SLAIN2: variants seen among roughly 807,000 people sequenced by gnomAD.
The protein encoded by SLAIN2 is SLAIN family member 2, also known as SLAIN motif-containing protein 2.
A neutral mutation model predicts 56.6 loss-of-function variants in SLAIN2; 31 were observed. That is an observed-to-expected ratio of 0.55 (90% CI 0.41 to 0.74). SLAIN2 has a LOEUF of 0.74. SLAIN2 is among the 30% of genes least tolerant of loss of function. The pLI is 0.00. For synonymous variants in SLAIN2, 317 were observed against 284.9 expected (o/e 1.11, Z -1.13); for missense variants, 777 against 754.2 (o/e 1.03, Z -0.35).
intron 2 of SLAIN2, among the ~76,000 whole-genome samples, chr4:48,373,006 C>A (rs991049639): frequency 6.6e-6 from 1 of 152,040 alleles, no homozygotes; most frequent in Non-Finnish European, 1.5e-5. Context: ...CACTATCACT[C>A]GTTCCTAAAA....
At position 48,422,225 on chromosome 4, in the gene SLAIN2, A is replaced by G; in HGVS notation, c.*148A>G. 1 of 609,670 alleles carries G rather than the reference A, an allele frequency of 1.6e-6. No individual in the cohort carries two copies. The highest frequency in any genetic ancestry group is 2.9e-6 in the Non-Finnish European group (1 of 343,748). 37.8% of individuals were successfully genotyped at this position (609,670 alleles called of 1,614,324 possible). ...TCTGTCTTAATTAGCACAAACCGAC[A>G]GAGATCATCAAACAGCACTTTAATG... On this transcript the variant is annotated 3_prime_UTR_variant, in exon 8 of 8. Coordinates refer to ENST00000264313, the MANE Select transcript of SLAIN2 (RefSeq NM_020846.2).
chr4:48,342,092 A>C lies in SLAIN2; in HGVS notation c.353A>C (p.Glu118Ala). Residue 118 changes from glutamate to alanine, a missense_variant, in exon 1 of 8, where the codon GAG becomes GCG. Transcript: ENST00000264313. ...EVEPLRPDEL[E>A]RLSGWEEEEE... ...GAGCCGCTGCGGCCCGACGAGCTGG[A>C]GCGCCTGTCAGGCTGGGAGGAGGAG... The C allele has an allele frequency of 7.3e-7, 1 of 1,364,608 alleles. No homozygotes were observed. Among genetic ancestry groups the C allele is most frequent in the East Asian group, 3.1e-5 (1 of 32,392 alleles). 84.5% of individuals were successfully genotyped at this position (1,364,608 alleles called of 1,614,324 possible).
Position 48,395,729 on chromosome 4 carries a change from T to C in SLAIN2, c.1360+11945T>C, listed in dbSNP as rs142142555. 2.8e-4 allele frequency among the ~76,000 whole-genome samples: 42 copies of C among 151,946 alleles called. 1 individual carries two copies. The East Asian group carries it at 5.6e-3, about 20-fold the overall frequency. ...GTATGTTAGTAATAGACTGGATAGA[T>C]TATGTTTGATGGGAAAGGAGGTGAC... On this transcript the variant is annotated intron_variant, in intron 6 of 7. Transcript: ENST00000264313.
chr4:48,352,612 G>A (rs1715041565), intron 1 of SLAIN2, among the ~76,000 whole-genome samples: 1 of 152,170 alleles, frequency 6.6e-6, no homozygotes, highest in Admixed American at 6.5e-5. Context: ...AATCAAAAAT[G>A]TCTCCAGATG....
intron 6 of SLAIN2, among the ~76,000 whole-genome samples, chr4:48,385,584 G>A (rs1716078554): frequency 6.6e-6 from 1 of 151,950 alleles, no homozygotes; most frequent in Admixed American, 6.6e-5. Flanking sequence ...TGTTTATTAA[G>A]CAGTTAAAAA....
chr4:48,408,394 A>G (rs1381952249), intron 6 of SLAIN2, among the ~76,000 whole-genome samples: 2 of 152,026 alleles, frequency 1.3e-5, no homozygotes, highest in Admixed American at 1.3e-4. Context: ...TGCGTGTACG[A>G]TGGTGGCAAT....
At chr4:48,384,541 T>G (rs756626593) in intron 6 of SLAIN2, among the ~76,000 whole-genome samples, 3 of 152,198 alleles carry the variant, frequency 2.0e-5, no homozygotes, top group Non-Finnish European at 4.4e-5. Flanking sequence ...CTTGTCTCTT[T>G]AAATTATCTT....
chr4:48,349,672 A>G (rs1270233671), intron 1 of SLAIN2, among the ~76,000 whole-genome samples: 1 of 152,238 alleles, frequency 6.6e-6, no homozygotes, highest in East Asian at 1.9e-4. Context: ...TATTGATAAA[A>G]TTTAAGTCAG....
At chr4:48,354,641 A>G (rs1715108754) in intron 1 of SLAIN2, among the ~76,000 whole-genome samples, 1 of 151,504 alleles carries the variant, frequency 6.6e-6, no homozygotes, top group Non-Finnish European at 1.5e-5. Flanking sequence ...TAATTTTTAT[A>G]TTTTTAGTAG....
chr4:48,363,089 G>A (rs1715378594), intron 1 of SLAIN2, among the ~76,000 whole-genome samples: 1 of 42,596 alleles, frequency 2.3e-5, no homozygotes, highest in African/African-American at 7.7e-5. Flanking sequence ...TAAGGTCACA[G>A]ATCAACAGGA....
At chr4:48,362,499 ACC>A (rs1715354839) in intron 1 of SLAIN2, among the ~76,000 whole-genome samples, 1 of 148,424 alleles carries the variant, frequency 6.7e-6, no homozygotes, top group Non-Finnish European at 1.5e-5. Flanking sequence ...GGTCACTACA[ACC>A]TCTGACTCCT....
At chr4:48,401,180 A>G (rs1716543758) in intron 6 of SLAIN2, among the ~76,000 whole-genome samples, 1 of 152,070 alleles carries the variant, frequency 6.6e-6, no homozygotes, top group South Asian at 2.1e-4. Context: ...GTTCTTTTGC[A>G]TTTGCTGAGG....
chr4:48,341,599 AC>A lies in SLAIN2; in HGVS notation c.-138del. On this transcript the variant is annotated 5_prime_UTR_variant, in exon 1 of 8. It removes the in-frame stop codon of an upstream open reading frame in the 5' UTR. Coordinates refer to ENST00000264313, the MANE Select transcript of SLAIN2 (RefSeq NM_020846.2). ...GCGCTTTGGAACCCGAGGTGGGGGG[AC>A]CCTGGCGGTGGGGCCTGGTCCTGCT... The A allele has an allele frequency of 7.9e-7, 1 of 1,270,956 alleles. No individual in the cohort carries two copies. Among genetic ancestry groups the A allele is most frequent in the Non-Finnish European group, 1.0e-6 (1 of 976,184 alleles). 78.7% of individuals were successfully genotyped at this position (1,270,956 alleles called of 1,614,324 possible). A position where few individuals can be genotyped will look rare whatever the true frequency, so the allele number is the denominator to read the frequency against.
intron 6 of SLAIN2, among the ~76,000 whole-genome samples, chr4:48,401,288 G>C (rs1254292546): frequency 6.6e-6 from 1 of 152,118 alleles, no homozygotes; most frequent in African/African-American, 2.4e-5. Context: ...ACATCTATCA[G>C]GTCCACTTAA....
intron 6 of SLAIN2, among the ~76,000 whole-genome samples, chr4:48,412,325 A>C (rs73246021): frequency 0.23 from 34,999 of 149,138 alleles, 5,598 homozygotes; most frequent in Middle Eastern, 0.36. Context: ...GGAGATATCT[A>C]ATGAATCTTA....
At chr4:48,392,514 G>A (rs924824724) in intron 6 of SLAIN2, among the ~76,000 whole-genome samples, 13 of 151,950 alleles carry the variant, frequency 8.6e-5, no homozygotes, top group Admixed American at 5.2e-4. Flanking sequence ...ATGTTCAATT[G>A]GTTACCTTTA....
chr4:48,365,026 T>G (rs1715472940), intron 1 of SLAIN2, among the ~76,000 whole-genome samples: 1 of 152,204 alleles, frequency 6.6e-6, no homozygotes, highest in Non-Finnish European at 1.5e-5. Flanking sequence ...TTATCTATTT[T>G]ATTAGCATTA....
At chr4:48,354,092 A>C (rs1715087484) in intron 1 of SLAIN2, among the ~76,000 whole-genome samples, 1 of 152,174 alleles carries the variant, frequency 6.6e-6, no homozygotes, top group Non-Finnish European at 1.5e-5. Flanking sequence ...ATGTCCAAAA[A>C]CCAATAGTTG....
At chr4:48,360,523 C>T (rs950162383) in intron 1 of SLAIN2, among the ~76,000 whole-genome samples, 15 of 151,844 alleles carry the variant, frequency 9.9e-5, no homozygotes, top group Admixed American at 3.3e-4. Context: ...ACCTGGGAGA[C>T]AGAGGTTGCT....
Sources: allele counts gnomAD v4.1 joint callset (sites outside exome capture counted in the v4.1 genomes callset), GRCh38; gene constraint gnomAD v4.1.1; transcripts MANE v1.5; gene names NCBI Gene and HGNC (gene_info 2026-07-23, HGNC 2026-07-21).